HMGA2: variants seen among roughly 807,000 people sequenced by gnomAD.
The protein encoded by HMGA2 is high mobility group protein HMGI-C.
A neutral mutation model predicts 19.1 loss-of-function variants in HMGA2; 8 were observed. That is an observed-to-expected ratio of 0.42 (90% CI 0.25 to 0.76). The LOEUF is 0.76. HMGA2 is among the 30% of genes least tolerant of loss of function. The pLI is 0.28. For synonymous variants in HMGA2, 60 were observed against 48.8 expected, an observed-to-expected ratio of 1.23 and a Z score of -0.96; for missense variants, 109 against 136.3, an observed-to-expected ratio of 0.80 and a Z score of 1.00.
chr12:65,827,987 T>C lies in HMGA2; in HGVS notation c.112-14T>C, dbSNP rs369646474. 280 of 1,579,830 alleles carry C rather than the reference T, an allele frequency of 1.8e-4. No individual in the cohort carries two copies. The highest frequency in any genetic ancestry group is 3.6e-4 in the East Asian group (16 of 44,716). ...TTCTTGCCACAACAGCATTTTTTTT[T>C]CCCTCACAATTAGGAACCAACCGGT... On this transcript the variant is annotated splice_polypyrimidine_tract_variant and intron_variant, in intron 1 of 4. Coordinates refer to ENST00000403681, the MANE Select transcript of HMGA2 (RefSeq NM_003483.6).
chr12:65,899,898 T>C (rs1200695719), intron 3 of HMGA2, among the ~76,000 whole-genome samples: 1 of 152,222 alleles, frequency 6.6e-6, no homozygotes, highest in African/African-American at 2.4e-5. Flanking sequence ...TTCCTGACAC[T>C]TGGGGTTTTT....
chr12:65,911,690 G>A (rs1298247911), intron 3 of HMGA2, among the ~76,000 whole-genome samples: 1 of 152,082 alleles, frequency 6.6e-6, no homozygotes, highest in African/African-American at 2.4e-5. Context: ...ATACCAAACG[G>A]AATTACATTT....
At chr12:65,949,984 A>G (rs1330034749) in intron 3 of HMGA2, among the ~76,000 whole-genome samples, 2 of 152,242 alleles carry the variant, frequency 1.3e-5, no homozygotes, top group Non-Finnish European at 2.9e-5. Context: ...AGAAGTTCAA[A>G]TTGAAACAGC....
intron 3 of HMGA2, chr12:65,881,789 C>T (rs759327738): frequency 1.4e-6 from 1 of 703,058 alleles, no homozygotes; most frequent in Non-Finnish European, 2.6e-6. Context: ...CCTGCTGATC[C>T]CGGAACTGGC....
rs768594093 is a variant in HMGA2, at chr12:65,963,307, C to T, written c.*15C>T. 1 of 1,612,148 alleles carries T rather than the reference C, an allele frequency of 6.2e-7. No individual in the cohort carries two copies. The highest frequency in any genetic ancestry group is 1.1e-5 in the South Asian group (1 of 91,020). Reference sequence around the variant, plus strand: ...AAGAGGACTAGGGGGCGCCAACGTTCGATTTCTACCTCAGCAGCAGTTGGA... The same window carrying T: ...AAGAGGACTAGGGGGCGCCAACGTTTGATTTCTACCTCAGCAGCAGTTGGA... On this transcript the variant is annotated 3_prime_UTR_variant, in exon 5 of 5. Transcript: ENST00000403681.
chr12:65,948,899 G>A (rs1876358667), intron 3 of HMGA2, among the ~76,000 whole-genome samples: 1 of 152,190 alleles, frequency 6.6e-6, no homozygotes, highest in South Asian at 2.1e-4. Flanking sequence ...ATGAATGCGG[G>A]AGCCTCTGCC....
chr12:65,944,452 A>G (rs1295194460), intron 3 of HMGA2, among the ~76,000 whole-genome samples: 1 of 152,196 alleles, frequency 6.6e-6, no homozygotes, highest in African/African-American at 2.4e-5. Flanking sequence ...AGAAACTGGA[A>G]CACCACACCT....
At chr12:65,877,344 T>A (rs1213504124) in intron 3 of HMGA2, among the ~76,000 whole-genome samples, 1 of 152,078 alleles carries the variant, frequency 6.6e-6, no homozygotes, top group Non-Finnish European at 1.5e-5. Context: ...GTGGAAGTAG[T>A]TTCCTGGCTT....
At chr12:65,876,352 C>G (rs1177764247) in intron 3 of HMGA2, among the ~76,000 whole-genome samples, 1 of 152,118 alleles carries the variant, frequency 6.6e-6, no homozygotes, top group Non-Finnish European at 1.5e-5. Context: ...ACACCATATA[C>G]TCACTCTGAA....
chr12:65,839,712 ATTCAACCTTCT>A (rs1870911055), intron 3 of HMGA2, among the ~76,000 whole-genome samples: 1 of 152,230 alleles, frequency 6.6e-6, no homozygotes, highest in Admixed American at 6.5e-5. Flanking sequence ...AGGATATTTC[ATTCAACCTTCT>A]GTTCATTAAA....
Position 65,901,877 on chromosome 12 carries a change from A to AAC in HMGA2, c.250-49494_250-49493dup, listed in dbSNP as rs548690865. Among the ~76,000 whole-genome samples, 873 of 152,236 alleles carry AAC rather than the reference A, an allele frequency of 5.7e-3. 1 individual carries two copies. The highest frequency in any genetic ancestry group is 8.4e-3 in the Non-Finnish European group (571 of 67,986). On this transcript the variant is annotated intron_variant, in intron 3 of 4. Coordinates refer to ENST00000403681, the MANE Select transcript of HMGA2 (RefSeq NM_003483.6). The stretch of plus-strand genomic sequence containing the variant: ...AAGCAGAACTTTTCAAACAAAATAA[A>AAC]ACACACACACACAAACCTAAGAAAC...
chr12:65,853,212 G>T (rs1053169328), intron 3 of HMGA2, among the ~76,000 whole-genome samples: 1 of 152,112 alleles, frequency 6.6e-6, no homozygotes, highest in Non-Finnish European at 1.5e-5. Flanking sequence ...ACTGAAACTG[G>T]GGAGAAAAGA....
chr12:65,875,641 A>G (rs1473372804), intron 3 of HMGA2, among the ~76,000 whole-genome samples: 1 of 58,750 alleles, frequency 1.7e-5, no homozygotes, highest in African/African-American at 4.3e-5. Context: ...AGTAAAGACA[A>G]GGTTTCACCA....
intron 3 of HMGA2, among the ~76,000 whole-genome samples, chr12:65,882,469 C>T (rs559441258): frequency 3.9e-5 from 6 of 152,294 alleles, no homozygotes; most frequent in Non-Finnish European, 5.9e-5. Context: ...AGGCTGCATC[C>T]TCTCCAAGCC....
At chr12:65,943,197 A>G (rs1227671637) in intron 3 of HMGA2, among the ~76,000 whole-genome samples, 2 of 152,208 alleles carry the variant, frequency 1.3e-5, no homozygotes, top group Non-Finnish European at 2.9e-5. Context: ...TGCCTGTCAT[A>G]TAGTTCAAAT....
chr12:65,886,905 T>G (rs906345447), intron 3 of HMGA2, among the ~76,000 whole-genome samples: 2 of 152,184 alleles, frequency 1.3e-5, no homozygotes, highest in African/African-American at 4.8e-5. Flanking sequence ...AATTCCACAT[T>G]TTCTGTTTTA....
chr12:65,849,293 C>G (rs567496463), intron 3 of HMGA2, among the ~76,000 whole-genome samples: 2 of 152,176 alleles, frequency 1.3e-5, no homozygotes, highest in Non-Finnish European at 2.9e-5. Context: ...TGGGCCCACT[C>G]TCCTAGGGGT....
intron 3 of HMGA2, among the ~76,000 whole-genome samples, chr12:65,924,479 C>G (rs992839472): frequency 1.3e-5 from 2 of 151,974 alleles, no homozygotes; most frequent in Admixed American, 6.6e-5. Flanking sequence ...ACACACACAT[C>G]CCTGAAGTCA....
At chr12:65,908,533 T>C (rs912659268) in intron 3 of HMGA2, among the ~76,000 whole-genome samples, 1 of 152,228 alleles carries the variant, frequency 6.6e-6, no homozygotes, top group African/African-American at 2.4e-5. Context: ...CAAAATGAGT[T>C]TCATATGTCT....
Sources: allele counts gnomAD v4.1 joint callset (sites outside exome capture counted in the v4.1 genomes callset), GRCh38; gene constraint gnomAD v4.1.1; transcripts MANE v1.5; gene names NCBI Gene and HGNC (gene_info 2026-07-23, HGNC 2026-07-21).